ADAMTS6: variants seen among roughly 807,000 people sequenced by gnomAD.
The protein encoded by ADAMTS6 is A disintegrin and metalloproteinase with thrombospondin motifs 6.
ADAMTS6 carries 23 observed loss-of-function variants against 144.3 expected under a neutral mutation model. The ratio of observed to expected loss-of-function variants is 0.16; its 90% confidence interval spans 0.11 to 0.23. The LOEUF (loss-of-function observed/expected upper bound fraction) is 0.23. ADAMTS6 is among the 10% of genes least tolerant of loss of function. ADAMTS6 has a pLI of 1.00. For synonymous variants in ADAMTS6, 444 were observed against 457.5 expected, an observed-to-expected ratio of 0.97 and a Z score of 0.38; for missense variants, 999 against 1,379.6, an observed-to-expected ratio of 0.72 and a Z score of 4.37.
chr5:65,172,716 C>CT (rs1753710565), intron 23 of ADAMTS6, 116 bp downstream of exon 23: 1 of 1,236,802 alleles, frequency 8.1e-7, no homozygotes, highest in Admixed American at 2.6e-5. Flanking sequence ...CATACTTAGA[C>CT]TTCTACGTGT....
At chr5:65,153,824 C>T (rs1031121369) in intron 24 of ADAMTS6, among the ~76,000 whole-genome samples, 1 of 152,098 alleles carries the variant, frequency 6.6e-6, no homozygotes, top group Non-Finnish European at 1.5e-5. Context: ...GTAAATTCAC[C>T]AGTTTAAATT....
chr5:65,229,031 C>A, intron 15 of ADAMTS6, among the ~76,000 whole-genome samples: 1 of 152,148 alleles, frequency 6.6e-6, no homozygotes, highest in East Asian at 1.9e-4. Context: ...CTGCTGTAGG[C>A]CAGCAGCCCA....
At chr5:65,171,576 C>G (rs1753633566) in intron 23 of ADAMTS6, among the ~76,000 whole-genome samples, 1 of 152,130 alleles carries the variant, frequency 6.6e-6, no homozygotes, top group African/African-American at 2.4e-5. Context: ...TAGGAAATCA[C>G]TATTGCTCCC....
chr5:65,326,295 C>T (rs1430028322), intron 9 of ADAMTS6, among the ~76,000 whole-genome samples: 1 of 152,118 alleles, frequency 6.6e-6, no homozygotes. Flanking sequence ...ACATTCTTTC[C>T]TATAAGGTTT....
intron 11 of ADAMTS6, among the ~76,000 whole-genome samples, chr5:65,275,353 G>GAGAAAGAAAGAAAGAA (rs71693940): frequency 5.6e-4 from 49 of 87,186 alleles, no homozygotes; most frequent in East Asian, 2.0e-3. Flanking sequence ...AAAGAAAGAA[G>GAGAAAGAAAGAAAGAA]AGAAAGAAAG....
intron 20 of ADAMTS6, among the ~76,000 whole-genome samples, chr5:65,212,548 A>AT (rs1195904183): frequency 1.3e-5 from 2 of 148,388 alleles, no homozygotes; most frequent in East Asian, 2.0e-4. Flanking sequence ...ACAAAATTAT[A>AT]TTTTTTTCTT....
At chr5:65,330,836 C>T (rs989711496) in intron 8 of ADAMTS6, among the ~76,000 whole-genome samples, 20 of 151,860 alleles carry the variant, frequency 1.3e-4, no homozygotes, top group Non-Finnish European at 7.4e-5. Context: ...GGCTGCCCTT[C>T]CATTCATTAG....
intron 22 of ADAMTS6, 124 bp downstream of exon 22, chr5:65,187,892 G>A: frequency 1.1e-6 from 1 of 917,006 alleles, no homozygotes; most frequent in Non-Finnish European, 1.6e-6. Context: ...ATATAACATG[G>A]TCACTGTTAC....
chr5:65,173,133 A>C, intron 22 of ADAMTS6, 125 bp from the exon 23 acceptor site: 1 of 905,028 alleles, frequency 1.1e-6, no homozygotes, highest in Non-Finnish European at 1.6e-6. Context: ...AGTTCTAGGC[A>C]AAGTCTCTCA....
rs554686061 is a variant in ADAMTS6 at position 65,220,633 on chromosome 5, G to A, written c.2272+3687C>T. Among the ~76,000 whole-genome samples, 16 of 152,250 alleles carry A rather than the reference G, an allele frequency of 1.1e-4. No homozygotes were observed. The South Asian group carries it at 3.3e-3, about 32-fold the overall frequency. On this transcript the variant is annotated intron_variant, in intron 18 of 24. Coordinates refer to ENST00000381055, the MANE Select transcript of ADAMTS6 (RefSeq NM_197941.4). The stretch of plus-strand genomic sequence containing the variant: ...GTCAACGTGGGTGCCTGTAGTCCCA[G>A]CTACTCGGGAGGCTGAGGCAGGAGA...
At chr5:65,268,182 T>C (rs1478140954) in intron 12 of ADAMTS6, among the ~76,000 whole-genome samples, 3 of 152,208 alleles carry the variant, frequency 2.0e-5, no homozygotes, top group African/African-American at 7.2e-5. Flanking sequence ...TATGGAAAGA[T>C]ATTAGGAATC....
chr5:65,392,970 T>G (rs1366496433), intron 7 of ADAMTS6, among the ~76,000 whole-genome samples: 3 of 152,174 alleles, frequency 2.0e-5, no homozygotes, highest in African/African-American at 7.2e-5. Flanking sequence ...TCTACCAAAT[T>G]TTCTCAACAT....
intron 14 of ADAMTS6, chr5:65,256,278 C>A (rs1368994387): frequency 6.6e-6 from 1 of 152,140 alleles, no homozygotes; most frequent in African/African-American, 2.4e-5. Context: ...TGCACACATA[C>A]AATATTTTCA....
chr5:65,300,427 A>C (rs1347255747), intron 9 of ADAMTS6, among the ~76,000 whole-genome samples: 1 of 152,184 alleles, frequency 6.6e-6, no homozygotes, highest in Non-Finnish European at 1.5e-5. Flanking sequence ...TTACTTTATA[A>C]ATTAGAAAAC....
chr5:65,152,549 T>C (rs1421157143), intron 24 of ADAMTS6, among the ~76,000 whole-genome samples: 2 of 152,240 alleles, frequency 1.3e-5, no homozygotes, highest in African/African-American at 4.8e-5. Flanking sequence ...TGGAAACATG[T>C]AGAAATGTCT....
rs111356053 is a variant in ADAMTS6 at position 65,420,671 on chromosome 5, C to A, written c.1073+30804G>T. On this transcript the variant is annotated intron_variant, in intron 7 of 24. Coordinates refer to ENST00000381055, the MANE Select transcript of ADAMTS6 (RefSeq NM_197941.4). ...GCTGGGATTACAGGCGTGACCACTG[C>A]GCCCGGCCTCTGAATTTCTTAAAAA... Among the ~76,000 whole-genome samples the A allele has an allele frequency of 1.6e-3, 247 of 151,930 alleles. 2 individuals are homozygous for A. Among genetic ancestry groups the A allele is most frequent in the African/African-American group, 5.6e-3 (233 of 41,408 alleles).
Position 65,273,343 on chromosome 5 carries a change from T to C in ADAMTS6, c.1617A>G (p.Lys539=). Residue 539 remains lysine (K), a synonymous_variant, in exon 12 of 25, where the codon AAA becomes AAG. Coordinates refer to ENST00000381055, the MANE Select transcript of ADAMTS6 (RefSeq NM_197941.4). ...GGTAGTAAATCATTGAGCTTACCCC[T>C]TTTTCAATATTCCCAGTTTGACACA... The part of the protein sequence containing the change: ...GTLCQTGNIE[K]GWCYQGDCVP... 1 of 1,609,978 alleles carries C rather than the reference T, an allele frequency of 6.2e-7. No individual in the cohort carries two copies. The highest frequency in any genetic ancestry group is 8.5e-7 in the Non-Finnish European group (1 of 1,176,896).
chr5:65,196,854 A>T (rs949551794), intron 21 of ADAMTS6, among the ~76,000 whole-genome samples, 168 bp downstream of exon 21: 8 of 152,162 alleles, frequency 5.3e-5, no homozygotes, highest in Admixed American at 6.5e-5. Context: ...ATAAATAGGA[A>T]TCTTTGCTCA....
At chr5:65,347,879 T>G (rs1051867800) in intron 7 of ADAMTS6, among the ~76,000 whole-genome samples, 1 of 152,102 alleles carries the variant, frequency 6.6e-6, no homozygotes, top group Non-Finnish European at 1.5e-5. Context: ...AACAGACATT[T>G]CTCAAAAGAA....
Sources: allele counts gnomAD v4.1 joint callset (sites outside exome capture counted in the v4.1 genomes callset), GRCh38; gene constraint gnomAD v4.1.1; transcripts MANE v1.5; gene names NCBI Gene and HGNC (gene_info 2026-07-23, HGNC 2026-07-21).